Variants in RPIA observed in about 807,000 individuals in gnomAD.
RPIA encodes ribose 5-phosphate isomerase A, also known as ribose-5-phosphate isomerase.
Under a neutral mutation model 37.8 loss-of-function variants are expected in RPIA, and 29 were observed. The observed-to-expected ratio is 0.77, with a 90% CI of 0.57 to 1.05. RPIA has a LOEUF of 1.05. Ranked by LOEUF, RPIA falls within the 50% of genes least tolerant of loss-of-function variation. The pLI, the probability that RPIA is intolerant of heterozygous loss-of-function variation, is 0.00. For synonymous variants in RPIA, 167 were observed against 157.0 expected (o/e 1.06, Z -0.48); for missense variants, 385 against 413.6 (o/e 0.93, Z 0.60).
intron 8 of RPIA, among the ~76,000 whole-genome samples, chr2:88,740,432 C>T (rs1055550482): frequency 6.6e-6 from 1 of 152,188 alleles, no homozygotes; most frequent in Non-Finnish European, 1.5e-5. Context: ...TATCTTTTCT[C>T]ATTTTTTCTT....
chr2:88,735,065 G>A (rs1673298946), intron 5 of RPIA, among the ~76,000 whole-genome samples: 1 of 152,186 alleles, frequency 6.6e-6, no homozygotes, highest in Admixed American at 6.5e-5. Flanking sequence ...GGTGGGAATG[G>A]TGAGTTGAAA....
intron 3 of RPIA, among the ~76,000 whole-genome samples, chr2:88,714,954 G>A (rs1297792525): frequency 6.6e-6 from 1 of 152,232 alleles, no homozygotes; most frequent in Non-Finnish European, 1.5e-5. Flanking sequence ...GCTGTTTTGG[G>A]AGTACAGAGG....
chr2:88,720,100 A>G (rs1340497683), intron 3 of RPIA, among the ~76,000 whole-genome samples: 2 of 152,132 alleles, frequency 1.3e-5, no homozygotes, highest in East Asian at 3.8e-4. Flanking sequence ...TGAGGCTTTA[A>G]TTACTGTCAG....
At position 88,722,909 on chromosome 2, in the gene RPIA, A is replaced by G. The variant is rs142644723; in HGVS notation, c.403-6369A>G. ...TGCAGATGGCAAAGGGGGAAGAAGG[A>G]GGTATAGGGTGGAAGAGAAGTAAAT... On this transcript the variant is annotated intron_variant, in intron 3 of 8. Transcript: ENST00000283646. Among the ~76,000 whole-genome samples the G allele has an allele frequency of 2.1e-3, 319 of 152,332 alleles. 3 individuals carry two copies. Among genetic ancestry groups the G allele is most frequent in the African/African-American group, 7.3e-3 (303 of 41,572 alleles).
At chr2:88,695,749 C>T (rs752183499) in intron 1 of RPIA, among the ~76,000 whole-genome samples, 3 of 152,170 alleles carry the variant, frequency 2.0e-5, no homozygotes, top group Non-Finnish European at 4.4e-5. Context: ...CTAGTGCGAG[C>T]CCTGTTCTGA....
chr2:88,722,522 T>A (rs1361174698), intron 3 of RPIA, among the ~76,000 whole-genome samples: 1 of 152,232 alleles, frequency 6.6e-6, no homozygotes, highest in African/African-American at 2.4e-5. Flanking sequence ...AGATAGGACC[T>A]AACGGACTCC....
chr2:88,737,125 G>T (rs1312618635), intron 7 of RPIA, among the ~76,000 whole-genome samples: 1 of 151,970 alleles, frequency 6.6e-6, no homozygotes, highest in African/African-American at 2.4e-5. Flanking sequence ...AATTTCTTGG[G>T]GTGTGTGAAC....
chr2:88,708,222 C>T (rs915230708), intron 3 of RPIA, among the ~76,000 whole-genome samples: 1 of 152,190 alleles, frequency 6.6e-6, no homozygotes, highest in Non-Finnish European at 1.5e-5. Context: ...TCAGAGGTGT[C>T]AGGAATCTCA....
rs568452855 is a variant in RPIA at position 88,702,952 on chromosome 2, A to G, written c.402+2888A>G. The stretch of plus-strand genomic sequence containing the variant: ...GGTGAATACACTCATTCCAGATGGG[A>G]AAAATTGGCCAGAACACAGGGGCTA... On this transcript the variant is annotated intron_variant, in intron 3 of 8. Transcript: ENST00000283646. 4.6e-5 allele frequency among the ~76,000 whole-genome samples: 7 copies of G among 152,288 alleles called. No homozygotes were observed. The South Asian group carries it at 1.2e-3, about 27-fold the overall frequency.
intron 1 of RPIA, among the ~76,000 whole-genome samples, chr2:88,697,422 G>T (rs1219604166): frequency 1.3e-5 from 2 of 152,244 alleles, no homozygotes; most frequent in Non-Finnish European, 2.9e-5. Context: ...CCTTGCAAAG[G>T]CAGGAGATAG....
chr2:88,708,077 T>C (rs1290442204), intron 3 of RPIA, among the ~76,000 whole-genome samples: 1 of 151,940 alleles, frequency 6.6e-6, no homozygotes, highest in Admixed American at 6.5e-5. Flanking sequence ...CATGAGGGAG[T>C]GTTAGTAAAA....
chr2:88,718,953 G>T (rs1165417247), intron 3 of RPIA, among the ~76,000 whole-genome samples: 1 of 152,148 alleles, frequency 6.6e-6, no homozygotes, highest in Non-Finnish European at 1.5e-5. Flanking sequence ...ACGTTAAAAA[G>T]ATTACTTCAG....
rs986636562 is a variant in RPIA, at chr2:88,750,202, G to A, written c.*124G>A. 1 of 625,602 alleles carries A rather than the reference G, an allele frequency of 1.6e-6. No homozygotes were observed. The highest frequency in any genetic ancestry group is 3.0e-6 in the Non-Finnish European group (1 of 332,732). 38.8% of individuals were successfully genotyped at this position (625,602 alleles called of 1,614,324 possible). Reference sequence around the variant, plus strand: ...GACAACTTGTGGTGGGGGGTGGGGGGAAGAGTGGGAGGGGGAGTTAAATCC... The same window carrying A: ...GACAACTTGTGGTGGGGGGTGGGGGAAAGAGTGGGAGGGGGAGTTAAATCC... On this transcript the variant is annotated 3_prime_UTR_variant, in exon 9 of 9. Coordinates refer to ENST00000283646, the MANE Select transcript of RPIA (RefSeq NM_144563.3).
At chr2:88,747,386 C>T (rs1026541282) in intron 8 of RPIA, among the ~76,000 whole-genome samples, 1 of 152,220 alleles carries the variant, frequency 6.6e-6, no homozygotes, top group Non-Finnish European at 1.5e-5. Context: ...TCAGGCCTCG[C>T]CCCTCCCTGC....
At chr2:88,713,099 AATAT>A (rs1553420187) in intron 3 of RPIA, among the ~76,000 whole-genome samples, 5 of 45,586 alleles carry the variant, frequency 1.1e-4, no homozygotes, top group Non-Finnish European at 1.4e-4. Context: ...TGGATGTCTG[AATAT>A]ATATATATAT....
intron 3 of RPIA, among the ~76,000 whole-genome samples, chr2:88,717,327 A>G (rs2104103987): frequency 6.6e-6 from 1 of 152,330 alleles, no homozygotes. Flanking sequence ...TATGTGCCCA[A>G]GGTGGTCAGA....
intron 3 of RPIA, among the ~76,000 whole-genome samples, chr2:88,721,216 G>T (rs1045012615): frequency 1.3e-5 from 2 of 152,074 alleles, no homozygotes; most frequent in African/African-American, 2.4e-5. Context: ...GGCCTGTCAG[G>T]GGGTGAGGGG....
At chr2:88,697,372 A>C (rs547430159) in intron 1 of RPIA, among the ~76,000 whole-genome samples, 1 of 152,392 alleles carries the variant, frequency 6.6e-6, no homozygotes, top group African/African-American at 2.4e-5. Context: ...GTAGGTGCTT[A>C]ATAAATGGTA....
chr2:88,749,802 CAAG>C (rs1293691470), intron 8 of RPIA, among the ~76,000 whole-genome samples, 176 bp from the exon 9 acceptor site: 21 of 151,822 alleles, frequency 1.4e-4, no homozygotes, highest in Non-Finnish European at 4.4e-5. Flanking sequence ...AAAGAGGTGG[CAAG>C]AAGAAATTAA....
Sources: gnomAD v4.1 joint callset for allele counts (sites outside exome capture counted in the v4.1 genomes callset) on GRCh38, gnomAD v4.1.1 for gene constraint, MANE v1.5 for transcripts, NCBI Gene and HGNC (gene_info 2026-07-23, HGNC 2026-07-21) for gene names.